RNF180: variants seen among roughly 807,000 people sequenced by gnomAD.
The protein encoded by RNF180 is E3 ubiquitin-protein ligase RNF180.
A neutral mutation model predicts 59.2 loss-of-function variants in RNF180; 38 were observed. The observed-to-expected ratio is 0.64, with a 90% CI of 0.50 to 0.84. RNF180 has a LOEUF of 0.84. Among genes scored for constraint, RNF180 ranks in the 40% least tolerant of loss-of-function variants. The pLI is 0.00. For synonymous variants in RNF180, 262 were observed against 240.3 expected, an observed-to-expected ratio of 1.09 and a Z score of -0.84; for missense variants, 705 against 700.9, an observed-to-expected ratio of 1.01 and a Z score of -0.07.
chr5:64,339,538 A>G (rs759088066), intron 7 of RNF180, among the ~76,000 whole-genome samples: 4 of 152,198 alleles, frequency 2.6e-5, no homozygotes, highest in Non-Finnish European at 4.4e-5. Flanking sequence ...TATTTCATAT[A>G]AGATGCCATC....
chr5:64,168,749 T>C (rs927781017), intron 1 of RNF180, among the ~76,000 whole-genome samples: 8 of 152,168 alleles, frequency 5.3e-5, no homozygotes, highest in Admixed American at 4.6e-4. Context: ...AAATATAAAA[T>C]TGCTATTTCC....
intron 5 of RNF180, among the ~76,000 whole-genome samples, chr5:64,245,018 C>T (rs1165237046): frequency 6.6e-6 from 1 of 152,162 alleles, no homozygotes; most frequent in African/African-American, 2.4e-5. Flanking sequence ...GAAATAAAAT[C>T]CTTTACAGAC....
At chr5:64,328,912 G>C (rs926030928) in intron 6 of RNF180, among the ~76,000 whole-genome samples, 22 of 152,148 alleles carry the variant, frequency 1.4e-4, no homozygotes, top group African/African-American at 5.3e-4. Context: ...TTACTTCTCA[G>C]GTTAGTAACT....
In RNF180 at chr5:64,319,784, G is replaced by A. The variant is rs182798826; in HGVS notation, c.1228-5402G>A. ...TGGCATACAAGTTATAGGGATGCCT[G>A]CGGCCTTTTATTATGAAAACAAACT... is the stretch of plus-strand genomic sequence containing the variant. On this transcript the variant is annotated intron_variant, in intron 5 of 7. Coordinates refer to ENST00000389100, the MANE Select transcript of RNF180 (RefSeq NM_001113561.2). 4.5e-3 allele frequency among the ~76,000 whole-genome samples: 692 copies of A among 152,276 alleles called. 2 individuals are homozygous for A. Among genetic ancestry groups the A allele is most frequent in the Non-Finnish European group, 6.6e-3 (447 of 68,012 alleles).
chr5:64,248,342 T>G (rs1468084615), intron 5 of RNF180, among the ~76,000 whole-genome samples: 1 of 152,058 alleles, frequency 6.6e-6, no homozygotes, highest in Non-Finnish European at 1.5e-5. Context: ...GGAAGAAAAT[T>G]TTTGCAATCT....
Position 64,330,368 on chromosome 5 carries a change from C to T in RNF180, c.1541C>T (p.Pro514Leu), listed in dbSNP as rs1055073457. 6.5e-7 allele frequency: 1 copy of T among 1,541,194 alleles called. No homozygotes were observed. Among genetic ancestry groups the T allele is most frequent in the East Asian group, 2.5e-5 (1 of 40,772 alleles). Residue 514 changes from proline (P) to leucine (L), a missense_variant, in exon 7 of 8, where the codon CCC (proline) becomes CTC (leucine). Physicochemically the swap from Pro to Leu is moderately conservative, Grantham distance 98. Transcript: ENST00000389100. ...CAGAAATCCAACTCTGCAAAATGGC[C>T]CCTACCAAGCTGCAGAAAAGCATTT... ...SFQKSNSAKWPLPSCRKAFHL... is the reference protein window; with the variant it reads ...SFQKSNSAKWLLPSCRKAFHL...
intron 1 of RNF180, among the ~76,000 whole-genome samples, chr5:64,179,445 A>G (rs954263363): frequency 2.4e-5 from 2 of 84,030 alleles, no homozygotes; most frequent in Admixed American, 2.3e-4. Flanking sequence ...CTACACATGC[A>G]TGTATCAATA....
intron 5 of RNF180, among the ~76,000 whole-genome samples, chr5:64,314,152 G>T (rs574911934): frequency 3.3e-5 from 5 of 152,158 alleles, no homozygotes; most frequent in Admixed American, 2.6e-4. Flanking sequence ...AGTAAGCAAA[G>T]GTGTCAGGTG....
chr5:64,225,357 C>T (rs1741622711), intron 5 of RNF180, among the ~76,000 whole-genome samples: 1 of 150,430 alleles, frequency 6.6e-6, no homozygotes, highest in Non-Finnish European at 1.5e-5. Flanking sequence ...TGAGGAGCGC[C>T]TCTGCCCGGC....
At chr5:64,200,370 G>C (rs1461881963) in intron 1 of RNF180, among the ~76,000 whole-genome samples, 4 of 152,174 alleles carry the variant, frequency 2.6e-5, no homozygotes, top group Admixed American at 6.5e-5. Flanking sequence ...CAAGAGGATT[G>C]CTTGAGCCCA....
At chr5:64,319,429 G>A (rs1050659430) in intron 5 of RNF180, among the ~76,000 whole-genome samples, 2 of 152,108 alleles carry the variant, frequency 1.3e-5, no homozygotes, top group African/African-American at 4.8e-5. Context: ...GTGATATGCA[G>A]TGTGATTATA....
intron 5 of RNF180, among the ~76,000 whole-genome samples, chr5:64,294,126 G>GT (rs1434290274): frequency 8.5e-5 from 13 of 152,132 alleles, no homozygotes; most frequent in African/African-American, 2.9e-4. Flanking sequence ...TTAGGGGGTT[G>GT]TTTTTGAGTG....
At chr5:64,252,553 GT>G (rs1295286209) in intron 5 of RNF180, among the ~76,000 whole-genome samples, 2 of 152,032 alleles carry the variant, frequency 1.3e-5, no homozygotes, top group Middle Eastern at 3.4e-3. Context: ...TACATACAAG[GT>G]TTTTTGTCAA....
intron 5 of RNF180, among the ~76,000 whole-genome samples, chr5:64,232,465 C>G (rs1464538432): frequency 6.6e-6 from 1 of 152,130 alleles, no homozygotes; most frequent in Non-Finnish European, 1.5e-5. Context: ...CTCCTGGACT[C>G]AAGTGACCAG....
At chr5:64,313,215 G>T (rs1294300903) in intron 5 of RNF180, among the ~76,000 whole-genome samples, 1 of 152,022 alleles carries the variant, frequency 6.6e-6, no homozygotes, top group Non-Finnish European at 1.5e-5. Flanking sequence ...TAGGTAAACT[G>T]TGTGTCATGA....
chr5:64,280,561 A>G (rs964067830), intron 5 of RNF180, among the ~76,000 whole-genome samples: 1 of 151,364 alleles, frequency 6.6e-6, no homozygotes, highest in African/African-American at 2.4e-5. Flanking sequence ...TTGAATAGGG[A>G]GTCTTTTCCT....
intron 5 of RNF180, among the ~76,000 whole-genome samples, chr5:64,291,116 C>T (rs541466924): frequency 6.6e-6 from 1 of 152,214 alleles, no homozygotes; most frequent in African/African-American, 2.4e-5. Context: ...ATATGGAATT[C>T]TAGGTTGGAA....
intron 5 of RNF180, among the ~76,000 whole-genome samples, chr5:64,247,660 A>G (rs1466533895): frequency 6.6e-6 from 1 of 152,202 alleles, no homozygotes; most frequent in African/African-American, 2.4e-5. Flanking sequence ...GGAAGAATCA[A>G]TATCGTGAAA....
intron 5 of RNF180, among the ~76,000 whole-genome samples, chr5:64,228,983 G>A (rs1022048100): frequency 2.1e-5 from 3 of 144,414 alleles, no homozygotes; most frequent in South Asian, 2.2e-4. Context: ...GTGCAGTGGC[G>A]TGATCTCGGC....
Sources: allele counts gnomAD v4.1 joint callset (sites outside exome capture counted in the v4.1 genomes callset), GRCh38; gene constraint gnomAD v4.1.1; transcripts MANE v1.5; gene names NCBI Gene and HGNC (gene_info 2026-07-23, HGNC 2026-07-21).